Variants in HIP1 observed in about 807,000 individuals in gnomAD.
HIP1 encodes the protein huntingtin-interacting protein 1.
In HIP1, 65 loss-of-function variants were observed where a neutral mutation model predicts 147.6. That is an observed-to-expected ratio of 0.44 (90% confidence interval 0.36 to 0.54). The LOEUF (loss-of-function observed/expected upper bound fraction) is 0.54, where lower values mean the gene tolerates loss of function less well. HIP1 is among the 20% of genes least tolerant of loss of function. The probability of loss-of-function intolerance (pLI) is 0.00; values close to 1 mark genes in which losing one functional copy is unlikely to be tolerated. For synonymous variants in HIP1, 479 were observed against 504.0 expected, an observed-to-expected ratio of 0.95 and a Z score of 0.67; for missense variants, 1,061 against 1,299.6, an observed-to-expected ratio of 0.82 and a Z score of 2.82.
At chr7:75,690,336 T>C (rs1800406661) in intron 1 of HIP1, among the ~76,000 whole-genome samples, 1 of 151,964 alleles carries the variant, frequency 6.6e-6, no homozygotes, top group East Asian at 1.9e-4. Context: ...GAAGAAGACA[T>C]ACAACTAGCC....
intron 1 of HIP1, among the ~76,000 whole-genome samples, chr7:75,638,201 T>C (rs1798509666): frequency 6.6e-6 from 1 of 151,780 alleles, no homozygotes; most frequent in South Asian, 2.1e-4. Flanking sequence ...TAAATCTCCA[T>C]TCAGAGTGAC....
chr7:75,592,724 G>A (rs1188464538), intron 2 of HIP1, among the ~76,000 whole-genome samples: 1 of 152,172 alleles, frequency 6.6e-6, no homozygotes, highest in African/African-American at 2.4e-5. Context: ...GTGCCTTGGA[G>A]GGAGCGCCGC....
chr7:75,545,231 T>C, intron 25 of HIP1, 43 bp from the exon 26 acceptor site: 2 of 1,115,456 alleles, frequency 1.8e-6, no homozygotes, highest in Non-Finnish European at 2.7e-6. Flanking sequence ...TTATTGAGCA[T>C]GTACTATATG....
At chr7:75,671,289 T>G (rs1382128587) in intron 1 of HIP1, among the ~76,000 whole-genome samples, 1 of 152,074 alleles carries the variant, frequency 6.6e-6, no homozygotes, top group Non-Finnish European at 1.5e-5. Context: ...AGACGGGGTA[T>G]CACCATGTTG....
chr7:75,722,214 G>A (rs933224264), intron 1 of HIP1, among the ~76,000 whole-genome samples: 7 of 152,130 alleles, frequency 4.6e-5, no homozygotes, highest in African/African-American at 1.7e-4. Context: ...CGAGGCTGAG[G>A]TGGGAGGATT....
Position 75,534,112 on chromosome 7 carries a change from G to A in HIP1, c.*4060C>T. The A allele has an allele frequency of 4.3e-6, 1 of 231,294 alleles. No homozygotes were observed. The highest frequency in any genetic ancestry group is 8.6e-6 in the Non-Finnish European group (1 of 116,828). 14.3% of individuals were successfully genotyped at this position (231,294 alleles called of 1,614,324 possible). A position where few individuals can be genotyped will look rare whatever the true frequency, so the allele number is the denominator to read the frequency against. On this transcript the variant is annotated 3_prime_UTR_variant, in exon 31 of 31. Transcript: ENST00000336926. ...AAGAGGGAACTTCCAGCTGCAAGCT[G>A]AGAACTAGCTCCTGCACAGGGTCGA...
chr7:75,657,213 C>T lies in HIP1; in HGVS notation c.121-57966G>A, dbSNP rs1289796297. ...GAAAGAAAATGCAGTACATATACACCATAGAATACTACGTAGCCATAAAAA... is the reference window on the plus strand; with the variant it reads ...GAAAGAAAATGCAGTACATATACACTATAGAATACTACGTAGCCATAAAAA... On this transcript the variant is annotated intron_variant, in intron 1 of 30. Transcript: ENST00000336926. Among the ~76,000 whole-genome samples, 4 of 152,126 alleles carry T rather than the reference C, an allele frequency of 2.6e-5. No homozygotes were observed. In the East Asian group the frequency reaches 5.8e-4, roughly 22 times the overall value.
chr7:75,738,112 G>C (rs550059216), intron 1 of HIP1, among the ~76,000 whole-genome samples: 10 of 152,292 alleles, frequency 6.6e-5, no homozygotes, highest in African/African-American at 2.4e-4. Context: ...CATCTTGGGG[G>C]ATAAAACCAA....
intron 1 of HIP1, among the ~76,000 whole-genome samples, chr7:75,716,521 CT>C (rs782680080): frequency 3.5e-3 from 462 of 130,588 alleles, no homozygotes; most frequent in African/African-American, 7.9e-3. Flanking sequence ...CGTGCCTGGA[CT>C]TTTTTTTTTT....
At chr7:75,683,605 C>T (rs553305208) in intron 1 of HIP1, among the ~76,000 whole-genome samples, 10 of 152,256 alleles carry the variant, frequency 6.6e-5, no homozygotes, top group South Asian at 2.1e-4. Context: ...ATCTGAGGCC[C>T]GGAGCCTCTG....
intron 1 of HIP1, among the ~76,000 whole-genome samples, chr7:75,673,207 G>A (rs1240077053): frequency 1.3e-5 from 2 of 151,924 alleles, no homozygotes; most frequent in African/African-American, 4.8e-5. Flanking sequence ...GTTTTTAGTA[G>A]AGACAGAGTT....
chr7:75,652,133 T>C (rs1353315272), intron 1 of HIP1, among the ~76,000 whole-genome samples: 1 of 150,846 alleles, frequency 6.6e-6, no homozygotes, highest in Non-Finnish European at 1.5e-5. Context: ...CTGGCCAACA[T>C]GGTGAAACCC....
intron 1 of HIP1, among the ~76,000 whole-genome samples, chr7:75,650,754 G>C (rs536931962): frequency 6.6e-6 from 1 of 152,250 alleles, no homozygotes; most frequent in South Asian, 2.1e-4. Flanking sequence ...CCAAAGCAGT[G>C]TCCCAGAAGC....
intron 21 of HIP1, 32 bp from the exon 22 acceptor site, chr7:75,553,621 T>C (rs781931835): frequency 6.2e-7 from 1 of 1,603,588 alleles, no homozygotes; most frequent in South Asian, 1.1e-5. Flanking sequence ...CACTTTTTTT[T>C]TGAGATGGAG....
intron 1 of HIP1, among the ~76,000 whole-genome samples, chr7:75,606,002 A>G (rs1296777633): frequency 6.6e-6 from 1 of 151,826 alleles, no homozygotes; most frequent in Non-Finnish European, 1.5e-5. Context: ...GGCACATACC[A>G]CTATGCCTGG....
intron 29 of HIP1, among the ~76,000 whole-genome samples, chr7:75,541,532 A>G (rs1211711608): frequency 6.8e-6 from 1 of 147,058 alleles, no homozygotes; most frequent in Non-Finnish European, 1.5e-5. Context: ...CTCCGTCTCA[A>G]AAAAAAAAAA....
intron 5 of HIP1, among the ~76,000 whole-genome samples, chr7:75,586,452 T>C (rs1446840592): frequency 1.3e-5 from 2 of 152,184 alleles, no homozygotes; most frequent in African/African-American, 4.8e-5. Flanking sequence ...TCCATCCGCC[T>C]GGGCCTCCGA....
At chr7:75,670,092 T>A (rs1799688895) in intron 1 of HIP1, among the ~76,000 whole-genome samples, 1 of 148,320 alleles carries the variant, frequency 6.7e-6, no homozygotes, top group South Asian at 2.2e-4. Flanking sequence ...TGAGCCACCA[T>A]GCCCGGCCTT....
intron 1 of HIP1, among the ~76,000 whole-genome samples, chr7:75,664,277 T>TA (rs1474422725): frequency 7.1e-6 from 1 of 139,914 alleles, no homozygotes; most frequent in African/African-American, 2.6e-5. Context: ...TACATACATA[T>TA]ATACACACAT....
Sources: gnomAD v4.1 joint callset for allele counts (sites outside exome capture counted in the v4.1 genomes callset) on GRCh38, gnomAD v4.1.1 for gene constraint, MANE v1.5 for transcripts, NCBI Gene and HGNC (gene_info 2026-07-23, HGNC 2026-07-21) for gene names.